MSRA: variants seen among roughly 807,000 people sequenced by gnomAD.
MSRA encodes the protein methionine sulfoxide reductase A.
MSRA carries 54 observed loss-of-function variants against 31.3 expected under a neutral mutation model. The ratio of observed to expected loss-of-function variants is 1.73; its 90% CI spans 1.39 to 2.17. The LOEUF (loss-of-function observed/expected upper bound fraction) is 2.17, where lower values mean the gene tolerates loss of function less well. Among genes scored for constraint, MSRA ranks in the 30% most tolerant of loss-of-function variants. The pLI, the probability that MSRA is intolerant of heterozygous loss-of-function variation, is 0.00. For synonymous variants in MSRA, 169 were observed against 116.5 expected, an observed-to-expected ratio of 1.45 and a Z score of -2.90; for missense variants, 507 against 300.9, an observed-to-expected ratio of 1.69 and a Z score of -5.07.
intron 1 of MSRA, among the ~76,000 whole-genome samples, chr8:10,143,771 C>T (rs75648519): frequency 6.6e-6 from 1 of 152,294 alleles, no homozygotes; most frequent in East Asian, 1.9e-4. Flanking sequence ...CATTTTGCGT[C>T]ACTGCAAACC....
chr8:10,296,339 G>A (rs1030292481), intron 3 of MSRA, among the ~76,000 whole-genome samples: 1 of 152,214 alleles, frequency 6.6e-6, no homozygotes, highest in African/African-American at 2.4e-5. Context: ...ACGGAAACAC[G>A]AAAGGTTAAT....
intron 1 of MSRA, among the ~76,000 whole-genome samples, chr8:10,193,754 G>T (rs1406891403): frequency 6.6e-6 from 1 of 152,108 alleles, no homozygotes; most frequent in Non-Finnish European, 1.5e-5. Flanking sequence ...TATGCGCTGG[G>T]TTATCCAACT....
intron 5 of MSRA, among the ~76,000 whole-genome samples, chr8:10,322,647 C>G (rs945706342): frequency 6.6e-6 from 1 of 152,148 alleles, no homozygotes. Context: ...GTTAGGACTG[C>G]TAACTGGGCT....
intron 3 of MSRA, among the ~76,000 whole-genome samples, chr8:10,287,091 C>T (rs1188146759): frequency 1.3e-5 from 2 of 152,140 alleles, no homozygotes; most frequent in Non-Finnish European, 2.9e-5. Flanking sequence ...CTTGGGGCTC[C>T]TACATTAATT....
intron 3 of MSRA, among the ~76,000 whole-genome samples, chr8:10,282,141 G>T (rs76856650): frequency 4.6e-5 from 7 of 152,006 alleles, no homozygotes; most frequent in African/African-American, 1.7e-4. Context: ...TTTATAATTC[G>T]TACTAATCAA....
intron 5 of MSRA, among the ~76,000 whole-genome samples, chr8:10,332,440 A>G (rs1802757268): frequency 6.6e-6 from 1 of 151,796 alleles, no homozygotes; most frequent in African/African-American, 2.4e-5. Flanking sequence ...TACCTTAGTC[A>G]AAAAGAAAAA....
intron 2 of MSRA, among the ~76,000 whole-genome samples, chr8:10,221,163 G>C (rs1392840120): frequency 1.3e-5 from 2 of 152,204 alleles, no homozygotes; most frequent in Non-Finnish European, 2.9e-5. Context: ...CAAATAGCCA[G>C]TGCATGCTTT....
intron 1 of MSRA, among the ~76,000 whole-genome samples, chr8:10,205,285 G>C (rs1002137500): frequency 2.0e-5 from 3 of 152,232 alleles, no homozygotes; most frequent in East Asian, 3.9e-4. Context: ...GGCTAGGGAG[G>C]CTTCGGTAAT....
intron 1 of MSRA, among the ~76,000 whole-genome samples, chr8:10,197,393 T>C (rs910938625): frequency 2.6e-5 from 4 of 152,210 alleles, no homozygotes; most frequent in African/African-American, 9.6e-5. Flanking sequence ...GCTAGTCTGG[T>C]GCTTGCCGGA....
chr8:10,287,422 C>T (rs1449667983), intron 3 of MSRA, among the ~76,000 whole-genome samples: 6 of 152,184 alleles, frequency 3.9e-5, no homozygotes, highest in Admixed American at 2.6e-4. Context: ...TCATGAGCTA[C>T]AAAAGTGTTA....
chr8:10,375,179 T>G (rs1585619742), intron 5 of MSRA, among the ~76,000 whole-genome samples: 1 of 152,242 alleles, frequency 6.6e-6, no homozygotes, highest in East Asian at 1.9e-4. Flanking sequence ...ACAAATCTGC[T>G]CCCCCTCTTC....
At chr8:10,403,085 G>A (rs1464830810) in intron 5 of MSRA, among the ~76,000 whole-genome samples, 3 of 152,192 alleles carry the variant, frequency 2.0e-5, no homozygotes, top group Non-Finnish European at 4.4e-5. Flanking sequence ...GCACTCACAC[G>A]TACGAAGCTT....
chr8:10,269,957 C>T lies in MSRA; in HGVS notation c.331+24734C>T, dbSNP rs563752210. 5.3e-5 allele frequency among the ~76,000 whole-genome samples: 8 copies of T among 152,310 alleles called. No homozygotes were observed. In the South Asian group the frequency reaches 1.2e-3, roughly 24 times the overall value. Reference sequence around the variant, plus strand: ...TGAGCCATCGTGCCTGGCCTGCTACCGCTTACTCTCTCTGTGACCGTGGAA... The same window carrying T: ...TGAGCCATCGTGCCTGGCCTGCTACTGCTTACTCTCTCTGTGACCGTGGAA... On this transcript the variant is annotated intron_variant, in intron 3 of 5. Coordinates refer to ENST00000317173, the MANE Select transcript of MSRA (RefSeq NM_012331.5).
At chr8:10,069,833 T>C (rs1226345982) in intron 1 of MSRA, among the ~76,000 whole-genome samples, 1 of 152,216 alleles carries the variant, frequency 6.6e-6, no homozygotes, top group Non-Finnish European at 1.5e-5. Flanking sequence ...AGTTCTCTAC[T>C]CTTAGTCTGC....
At chr8:10,344,384 G>A (rs1803635725) in intron 5 of MSRA, among the ~76,000 whole-genome samples, 1 of 151,618 alleles carries the variant, frequency 6.6e-6, no homozygotes, top group Non-Finnish European at 1.5e-5. Context: ...GACCAGCCTG[G>A]CCAAGATGGT....
At position 10,210,770 on chromosome 8, in the gene MSRA, G is replaced by T. The variant is rs148651300; in HGVS notation, c.211+2869G>T. On this transcript the variant is annotated intron_variant, in intron 2 of 5. Transcript: ENST00000317173. ...TTTTTTTGAGATGGTGTCTTACTCTGTTGCCCATGCTGGAGTGCACTGGCA... is the reference window on the plus strand; with the variant it reads ...TTTTTTTGAGATGGTGTCTTACTCTTTTGCCCATGCTGGAGTGCACTGGCA... Among the ~76,000 whole-genome samples, 13 of 147,054 alleles carry T rather than the reference G, an allele frequency of 8.8e-5. No homozygotes were observed. The South Asian group carries it at 2.8e-3, about 32-fold the overall frequency.
chr8:10,267,237 C>T (rs1347656404), intron 3 of MSRA, among the ~76,000 whole-genome samples: 2 of 152,168 alleles, frequency 1.3e-5, no homozygotes, highest in Admixed American at 6.5e-5. Context: ...TGTCTCTGGA[C>T]GGCTATCCCA....
intron 1 of MSRA, among the ~76,000 whole-genome samples, chr8:10,185,930 G>C (rs529366862): frequency 3.2e-4 from 48 of 152,058 alleles, no homozygotes; most frequent in Non-Finnish European, 6.3e-4. Flanking sequence ...ACAACTCAGA[G>C]GGGTTATTGA....
chr8:10,225,175 C>G (rs1057417554), intron 2 of MSRA, among the ~76,000 whole-genome samples: 3 of 152,100 alleles, frequency 2.0e-5, no homozygotes, highest in African/African-American at 7.2e-5. Context: ...AACTTCTCAC[C>G]CAACCTGTGT....
Sources: gnomAD v4.1 joint callset for allele counts (sites outside exome capture counted in the v4.1 genomes callset) on GRCh38, gnomAD v4.1.1 for gene constraint, MANE v1.5 for transcripts, NCBI Gene and HGNC (gene_info 2026-07-23, HGNC 2026-07-21) for gene names.